The following MYL1 variants were observed in gnomAD, a reference collection of about 807,000 sequenced individuals.
MYL1 encodes the protein myosin light chain 1/3, skeletal muscle isoform.
Under a neutral mutation model 21.8 loss-of-function variants are expected in MYL1, and 16 were observed. That is an observed-to-expected ratio of 0.74 (90% CI 0.50 to 1.12). The LOEUF (loss-of-function observed/expected upper bound fraction) is 1.12. Ranked by LOEUF, MYL1 falls within the 50% of genes most tolerant of loss-of-function variation. The pLI is 0.00. For synonymous variants in MYL1, 99 were observed against 85.2 expected (o/e 1.16, Z -0.89); for missense variants, 246 against 241.0 (o/e 1.02, Z -0.14).
chr2:210,314,230 AT>A, intron 1 of MYL1, among the ~76,000 whole-genome samples: 1 of 152,310 alleles, frequency 6.6e-6, no homozygotes. Flanking sequence ...AAATTTTATA[AT>A]TATTTTTGTT....
rs1690465605 is a variant in MYL1, at chr2:210,314,834, C to T, written c.132+77G>A. The T allele has an allele frequency of 5.3e-6, 8 of 1,497,236 alleles. No individual in the cohort carries two copies. The Admixed American group carries it at 1.4e-4, about 26-fold the overall frequency. 92.7% of individuals were successfully genotyped at this position (1,497,236 alleles called of 1,614,324 possible). A position where few individuals can be genotyped will look rare whatever the true frequency, so the allele number is the denominator to read the frequency against. ...ATGCTATTCCTCTCAATGAAAAATA[C>T]ACGCCTTTGCAAGTTCCTAGAGATC... On this transcript the variant is annotated intron_variant, in intron 1 of 6. Transcript: ENST00000352451.
At chr2:210,303,754 G>T in intron 1 of MYL1, 2 of 478,646 alleles carry the variant, frequency 4.2e-6, no homozygotes, top group Non-Finnish European at 3.5e-6. Context: ...AGATGGATCT[G>T]TACCCTGAGA....
At chr2:210,314,472 C>T (rs1022213441) in intron 1 of MYL1, among the ~76,000 whole-genome samples, 2 of 152,066 alleles carry the variant, frequency 1.3e-5, no homozygotes, top group Non-Finnish European at 2.9e-5. Context: ...AAAGGACAAC[C>T]GGGCCATCAG....
At position 210,301,046 on chromosome 2, in the gene MYL1, C is replaced by G. The variant is rs552562646; in HGVS notation, c.160+1442G>C. Among the ~76,000 whole-genome samples, 14 of 152,282 alleles carry G rather than the reference C, an allele frequency of 9.2e-5. No individual in the cohort carries two copies. In the East Asian group the frequency reaches 2.7e-3, roughly 29 times the overall value. ...CACAGATGGAATAAAAGGTTTAATG[C>G]TCAACGTTAAATCATTGAGTCCTTG... is the stretch of plus-strand genomic sequence containing the variant. On this transcript the variant is annotated intron_variant, in intron 2 of 6. Transcript: ENST00000352451.
chr2:210,294,066 A>G (rs1166115195), intron 4 of MYL1, among the ~76,000 whole-genome samples, 179 bp downstream of exon 4: 1 of 150,550 alleles, frequency 6.6e-6, no homozygotes, highest in East Asian at 1.9e-4. Flanking sequence ...TTAAGTTAAC[A>G]TTTTCACCAA....
At chr2:210,300,279 G>C (rs1690244099) in intron 2 of MYL1, among the ~76,000 whole-genome samples, 2 of 152,124 alleles carry the variant, frequency 1.3e-5, no homozygotes, top group Non-Finnish European at 2.9e-5. Flanking sequence ...TAAAGGCAGA[G>C]ACCAGAAAGA....
intron 3 of MYL1, among the ~76,000 whole-genome samples, chr2:210,294,806 T>C (rs1321217337): frequency 2.0e-5 from 3 of 152,168 alleles, no homozygotes; most frequent in Non-Finnish European, 4.4e-5. Flanking sequence ...TTTAGTATTG[T>C]CCATTTAATA....
At chr2:210,303,077 A>G (rs930421714) in intron 1 of MYL1, 4 of 453,050 alleles carry the variant, frequency 8.8e-6, no homozygotes, top group African/African-American at 8.0e-5. Context: ...AATAAGATAC[A>G]CGGTGTTAAA....
intron 2 of MYL1, 69 bp downstream of exon 2, chr2:210,302,419 G>A: frequency 2.8e-6 from 4 of 1,444,574 alleles, no homozygotes; most frequent in Non-Finnish European, 2.8e-6. Context: ...CTCATCCCAA[G>A]GGAGTTGGTT....
chr2:210,292,557 ATT>A (rs35943746), intron 5 of MYL1, among the ~76,000 whole-genome samples: 77 of 146,642 alleles, frequency 5.3e-4, no homozygotes, highest in African/African-American at 1.5e-3. Context: ...TATTAATTGA[ATT>A]TTTTTTTTTT....
chr2:210,310,821 C>A (rs1240984127), intron 1 of MYL1, among the ~76,000 whole-genome samples: 4 of 152,002 alleles, frequency 2.6e-5, no homozygotes, highest in Non-Finnish European at 4.4e-5. Flanking sequence ...CTACCTCATA[C>A]CCTTAAGAGT....
At chr2:210,301,198 T>C (rs1007634474) in intron 2 of MYL1, among the ~76,000 whole-genome samples, 5 of 152,072 alleles carry the variant, frequency 3.3e-5, no homozygotes, top group Admixed American at 2.6e-4. Flanking sequence ...TTAAAATGCA[T>C]TAAAAATCAA....
At chr2:210,303,463 C>T (rs1575705506) in intron 1 of MYL1, 5 of 1,408,884 alleles carry the variant, frequency 3.5e-6, no homozygotes, top group African/African-American at 2.9e-5. Flanking sequence ...CCATTTTTGC[C>T]TATCTTTCTT....
chr2:210,310,275 A>G (rs1041679766), intron 1 of MYL1, among the ~76,000 whole-genome samples: 2 of 152,094 alleles, frequency 1.3e-5, no homozygotes, highest in East Asian at 3.8e-4. Flanking sequence ...TTAGAAATTG[A>G]TTACATGTGT....
chr2:210,290,150 T>C lies in MYL1; in HGVS notation c.*332A>G, dbSNP rs1323329062. On this transcript the variant is annotated 3_prime_UTR_variant, in exon 7 of 7. Coordinates refer to ENST00000352451, the MANE Select transcript of MYL1 (RefSeq NM_079420.3). ...ATAAAAATGCAATGTGACTTGAACA[T>C]TCCAGACTGACCAAAATTGTTTATT... is the stretch of plus-strand genomic sequence containing the variant. 6.6e-6 allele frequency: 1 copy of C among 152,220 alleles called. No homozygotes were observed. Among genetic ancestry groups the C allele is most frequent in the Non-Finnish European group, 1.5e-5 (1 of 68,028 alleles). The allele number at this position is 152,220 out of a possible 1,614,324, so 9.4% of individuals were successfully genotyped here.
intron 1 of MYL1, among the ~76,000 whole-genome samples, chr2:210,304,591 G>A (rs1690311537): frequency 1.3e-5 from 2 of 152,154 alleles, no homozygotes; most frequent in African/African-American, 2.4e-5. Flanking sequence ...CACCCTGGCT[G>A]GAGTGCAATG....
At position 210,298,498 on chromosome 2, in the gene MYL1, C is replaced by A. The variant is rs199843326; in HGVS notation, c.226G>T (p.Gly76Cys). The A allele has an allele frequency of 6.8e-6, 11 of 1,614,044 alleles. No individual in the cohort carries two copies. In the African/African-American group the frequency reaches 1.1e-4, roughly 16 times the overall value. ...GDSKITLSQV[G>C]DVLRALGTNP... is the part of the protein sequence containing the mutation. ...GTGCCCAGAGCTCGAAGGACATCACCGACCTGGCTTAAGGTGATCTTGGAA... is the reference window on the plus strand; with the variant it reads ...GTGCCCAGAGCTCGAAGGACATCACAGACCTGGCTTAAGGTGATCTTGGAA... The change falls in exon 3 of 7, where the codon GGT becomes TGT. Residue 76 changes from glycine (G) to cysteine (C), a missense_variant. Coordinates refer to ENST00000352451, the MANE Select transcript of MYL1 (RefSeq NM_079420.3).
At chr2:210,312,835 A>G (rs554685924) in intron 1 of MYL1, among the ~76,000 whole-genome samples, 83 of 152,020 alleles carry the variant, frequency 5.5e-4, no homozygotes, top group African/African-American at 1.9e-3. Context: ...AAGATGGAGC[A>G]TACCCAATTC....
chr2:210,300,741 T>C (rs1309904813), intron 2 of MYL1, among the ~76,000 whole-genome samples: 7 of 152,150 alleles, frequency 4.6e-5, no homozygotes, highest in African/African-American at 1.7e-4. Flanking sequence ...AATAGCCACA[T>C]GTGGCTAGTG....
Sources: gnomAD v4.1 joint callset for allele counts (sites outside exome capture counted in the v4.1 genomes callset) on GRCh38, gnomAD v4.1.1 for gene constraint, MANE v1.5 for transcripts, NCBI Gene and HGNC (gene_info 2026-07-23, HGNC 2026-07-21) for gene names.